The following SPSB1 variants were observed in gnomAD, a reference collection of about 807,000 sequenced individuals.
SPSB1 encodes the protein splA/ryanodine receptor domain and SOCS box containing 1.
SPSB1 carries 8 observed loss-of-function variants against 21.2 expected under a neutral mutation model. The ratio of observed to expected loss-of-function variants is 0.38; its 90% CI spans 0.22 to 0.68. The LOEUF (loss-of-function observed/expected upper bound fraction) is 0.68. SPSB1 is among the 30% of genes least tolerant of loss of function. SPSB1 has a pLI of 0.53. For missense variants in SPSB1, 242 were observed against 377.8 expected, an observed-to-expected ratio of 0.64 and a Z score of 2.98; for synonymous variants, 169 against 161.7, an observed-to-expected ratio of 1.05 and a Z score of -0.34.
At chr1:9,295,221 T>A (rs796466369) in intron 1 of SPSB1, among the ~76,000 whole-genome samples, 32,444 of 81,130 alleles carry the variant, frequency 0.4, 3,795 homozygotes, top group Admixed American at 0.46. Flanking sequence ...AGTGTGAGTG[T>A]GTGTGTGTGT....
rs141986255 is a variant in SPSB1, at chr1:9,339,592, A to G, written c.-149-16151A>G. On this transcript the variant is annotated intron_variant, in intron 1 of 2. Transcript: ENST00000328089. ...ACTCATGTGGTTCTTAAGGACTAGC[A>G]GGGCTGGTGTGGCCACTGGTGTCTA... Among the ~76,000 whole-genome samples the G allele has an allele frequency of 1.8e-3, 280 of 152,294 alleles. 2 individuals carry two copies. The highest frequency in any genetic ancestry group is 6.2e-3 in the African/African-American group (257 of 41,564).
chr1:9,344,745 C>T (rs978766085), intron 1 of SPSB1, among the ~76,000 whole-genome samples: 3 of 152,094 alleles, frequency 2.0e-5, no homozygotes, highest in African/African-American at 7.2e-5. Context: ...GATGCCCGGC[C>T]CCCTGACTGT....
chr1:9,344,827 G>A (rs910960301), intron 1 of SPSB1, among the ~76,000 whole-genome samples: 31 of 151,846 alleles, frequency 2.0e-4, no homozygotes, highest in African/African-American at 7.3e-4. Context: ...TCCCTTCCCC[G>A]GTCCTTTCCT....
intron 1 of SPSB1, among the ~76,000 whole-genome samples, chr1:9,344,742 G>A (rs930713242): frequency 6.6e-6 from 1 of 152,042 alleles, no homozygotes; most frequent in Admixed American, 6.5e-5. Flanking sequence ...GTGGATGCCC[G>A]GCCCCCTGAC....
In SPSB1 at chr1:9,348,618, A is replaced by G. The variant is rs1640201729; in HGVS notation, c.-149-7125A>G. On this transcript the variant is annotated intron_variant, in intron 1 of 2. Transcript: ENST00000328089. This position sits in a 1 kb window ranked among gnomAD's most constrained non-coding sequence, Gnocchi z 4.8. Reference sequence around the variant, plus strand: ...TGGCTGCCCCCACCTGGAGGAGCCCACGAAACTGGAGGGATTTGCGAGGTT... The same window carrying G: ...TGGCTGCCCCCACCTGGAGGAGCCCGCGAAACTGGAGGGATTTGCGAGGTT... Among the ~76,000 whole-genome samples the G allele has an allele frequency of 6.6e-6, 1 of 151,992 alleles. No individual in the cohort carries two copies. Among genetic ancestry groups the G allele is most frequent in the Non-Finnish European group, 1.5e-5 (1 of 67,994 alleles).
At chr1:9,337,106 A>T (rs1330495993) in intron 1 of SPSB1, among the ~76,000 whole-genome samples, 1 of 151,988 alleles carries the variant, frequency 6.6e-6, no homozygotes, top group Non-Finnish European at 1.5e-5. Flanking sequence ...GCTTGTCCCA[A>T]TGAGAAGAGA....
intron 1 of SPSB1, among the ~76,000 whole-genome samples, chr1:9,314,218 G>T (rs1333224282): frequency 2.0e-5 from 3 of 151,588 alleles, no homozygotes; most frequent in Non-Finnish European, 4.4e-5. Flanking sequence ...GAACGGGACA[G>T]CTGGAAAATA....
At chr1:9,313,536 G>C (rs1639560169) in intron 1 of SPSB1, among the ~76,000 whole-genome samples, 2 of 152,216 alleles carry the variant, frequency 1.3e-5, no homozygotes, top group Admixed American at 1.3e-4. Context: ...GTGGGAACAG[G>C]CACCTGATCT....
intron 1 of SPSB1, among the ~76,000 whole-genome samples, chr1:9,336,506 G>A (rs1032276136): frequency 5.3e-5 from 8 of 152,224 alleles, no homozygotes; most frequent in South Asian, 2.1e-4. Context: ...GATTACAGGC[G>A]TGAGCCACCA....
At chr1:9,319,288 G>A (rs1639667706) in intron 1 of SPSB1, among the ~76,000 whole-genome samples, 1 of 152,206 alleles carries the variant, frequency 6.6e-6, no homozygotes, top group Non-Finnish European at 1.5e-5. Flanking sequence ...CAGCACTGTG[G>A]GCTGCGGGTC....
Position 9,306,636 on chromosome 1 carries a change from C to T in SPSB1, c.-150+13565C>T, listed in dbSNP as rs563203544. Among the ~76,000 whole-genome samples the T allele has an allele frequency of 4.3e-4, 65 of 152,282 alleles. 2 individuals are homozygous for T. Among genetic ancestry groups the T allele is most frequent in the Non-Finnish European group, 8.7e-4 (59 of 68,028 alleles). On this transcript the variant is annotated intron_variant, in intron 1 of 2. Transcript: ENST00000328089. ...CCAGGGGAAGAGCTGGGAGCTGAGC[C>T]CCAGCAGCCAGGCTCTCAGTCTTAC...
intron 1 of SPSB1, among the ~76,000 whole-genome samples, chr1:9,320,887 C>T (rs1175623703): frequency 3.1e-5 from 3 of 98,078 alleles, no homozygotes; most frequent in African/African-American, 6.5e-5. Flanking sequence ...GCTCTGGCCA[C>T]GAAAGGCTGG....
chr1:9,304,778 A>C (rs76943294), intron 1 of SPSB1, among the ~76,000 whole-genome samples: 8 of 152,140 alleles, frequency 5.3e-5, no homozygotes, highest in African/African-American at 1.9e-4. Flanking sequence ...CGCTCAAGCA[A>C]TCCTCCCACC....
rs187638168 is a variant in SPSB1, at chr1:9,356,186, G to A, written c.295G>A (p.Val99Met). The A allele has an allele frequency of 1.3e-5, 21 of 1,587,878 alleles. No homozygotes were observed. Among genetic ancestry groups the A allele is most frequent in the African/African-American group, 2.7e-5 (2 of 74,694 alleles). ...AGTCGGGTATACCCGTGGGCTGCAC[G>A]TGTGGCAGATCACGTGGGCCATGAG... ...GKVGYTRGLH[V>M]WQITWAMRQR... Residue 99 changes from valine (V) to methionine (M), a missense_variant, in exon 2 of 3, where the codon GTG becomes ATG. By Grantham distance (21) the Val-to-Met change is conservative. Transcript: ENST00000328089. The surrounding 1 kb of genome is among the most constrained non-coding windows in gnomAD (Gnocchi z 7.4).
chr1:9,331,317 T>G (rs953022364), intron 1 of SPSB1, among the ~76,000 whole-genome samples: 15 of 137,036 alleles, frequency 1.1e-4, no homozygotes, highest in African/African-American at 3.9e-4. Flanking sequence ...CTACTGGTGC[T>G]CTTGTTTTTT....
intron 2 of SPSB1, among the ~76,000 whole-genome samples, chr1:9,366,664 C>T (rs1367301673): frequency 6.6e-6 from 1 of 151,624 alleles, no homozygotes; most frequent in Non-Finnish European, 1.5e-5. Context: ...ACCTCCATCT[C>T]CCAGGTTCAA....
intron 1 of SPSB1, among the ~76,000 whole-genome samples, chr1:9,343,809 A>T (rs1640126684): frequency 6.6e-6 from 1 of 151,966 alleles, no homozygotes; most frequent in Non-Finnish European, 1.5e-5. Context: ...TTTTTGAGAC[A>T]GAGTCTCGCT....
Position 9,361,156 on chromosome 1 carries a change from CT to C in SPSB1, c.694+4598del, listed in dbSNP as rs57871457. 6.9e-4 allele frequency among the ~76,000 whole-genome samples: 71 copies of C among 102,564 alleles called. 2 individuals carry two copies. The highest frequency in any genetic ancestry group is 1.9e-3 in the African/African-American group (45 of 24,220). The allele number at this position is 102,564 out of a possible 152,430, so 67.3% of individuals were successfully genotyped here. A position where few individuals can be genotyped will look rare whatever the true frequency, so the allele number is the denominator to read the frequency against. On this transcript the variant is annotated intron_variant, in intron 2 of 2. Coordinates refer to ENST00000328089, the MANE Select transcript of SPSB1 (RefSeq NM_025106.4). ...CAGGCATGGCTGGATCTGTCATTTT[CT>C]TTTTTTTTTTTTTTTTTTTTTTTTT...
rs906033909 is a variant in SPSB1 at position 9,345,179 on chromosome 1, C to T, written c.-149-10564C>T. Reference sequence around the variant, plus strand: ...GCCTCCTCCTGGGAGTCACTGGGCCCACCTGATCCACCCTGCCTCAAGCCC... The same window carrying T: ...GCCTCCTCCTGGGAGTCACTGGGCCTACCTGATCCACCCTGCCTCAAGCCC... On this transcript the variant is annotated intron_variant, in intron 1 of 2. Coordinates refer to ENST00000328089, the MANE Select transcript of SPSB1 (RefSeq NM_025106.4). The surrounding 1 kb of genome is among the most constrained non-coding windows in gnomAD (Gnocchi z 4.8). Among the ~76,000 whole-genome samples, 4 of 152,182 alleles carry T rather than the reference C, an allele frequency of 2.6e-5. No individual in the cohort carries two copies. The highest frequency in any genetic ancestry group is 1.3e-4 in the Admixed American group (2 of 15,282).
Sources: allele counts gnomAD v4.1 joint callset (sites outside exome capture counted in the v4.1 genomes callset), GRCh38; gene constraint gnomAD v4.1.1; non-coding constraint Gnocchi (gnomAD v3.1); transcripts MANE v1.5; gene names NCBI Gene and HGNC (gene_info 2026-07-23, HGNC 2026-07-21).